The following TBXAS1 variants were observed in gnomAD, a reference collection of about 807,000 sequenced individuals.
The protein encoded by TBXAS1 is thromboxane-A synthase.
TBXAS1 carries 48 observed loss-of-function variants against 60.7 expected under a neutral mutation model. The observed-to-expected ratio is 0.79, with a 90% confidence interval of 0.63 to 1.01. The LOEUF is 1.01. Ranked by LOEUF, TBXAS1 falls within the 50% of genes least tolerant of loss-of-function variation. The pLI is 0.00. For synonymous variants in TBXAS1, 287 were observed against 269.7 expected (o/e 1.06, Z -0.63); for missense variants, 685 against 686.3 (o/e 1.00, Z 0.02).
chr7:139,838,310 T>A (rs12666200), intron 1 of TBXAS1, among the ~76,000 whole-genome samples: 1 of 152,232 alleles, frequency 6.6e-6, no homozygotes, highest in African/African-American at 2.4e-5. Context: ...GCATTGCTTT[T>A]ATCCCATCTC....
intron 9 of TBXAS1, among the ~76,000 whole-genome samples, chr7:139,995,413 C>T (rs940349412): frequency 3.9e-5 from 6 of 152,094 alleles, no homozygotes; most frequent in African/African-American, 7.2e-5. Context: ...GATGGCTCTC[C>T]GCCTTCCCGT....
At chr7:139,823,089 C>T (rs1207387590) in intron 4 of TBXAS1, among the ~76,000 whole-genome samples, 2 of 151,736 alleles carry the variant, frequency 1.3e-5, no homozygotes, top group African/African-American at 4.8e-5. Context: ...ACAAGCACAT[C>T]TATCCTACTC....
intron 9 of TBXAS1, among the ~76,000 whole-genome samples, chr7:139,980,578 G>A (rs992126675): frequency 1.3e-5 from 2 of 151,960 alleles, no homozygotes; most frequent in South Asian, 4.1e-4. Context: ...AAAGTTAGGA[G>A]TCGGCAACCT....
intron 9 of TBXAS1, among the ~76,000 whole-genome samples, chr7:140,005,069 G>A (rs1813963469): frequency 6.6e-6 from 1 of 152,250 alleles, no homozygotes; most frequent in African/African-American, 2.4e-5. Flanking sequence ...GCAGCTGAGA[G>A]CTGGTCGTGG....
chr7:139,818,382 G>A (rs2116430812), intron 4 of TBXAS1, among the ~76,000 whole-genome samples: 1 of 152,254 alleles, frequency 6.6e-6, no homozygotes, highest in African/African-American at 2.4e-5. Flanking sequence ...GTAAAGACAG[G>A]GACTTGGCTA....
chr7:139,813,772 C>A (rs1359372295), intron 4 of TBXAS1, among the ~76,000 whole-genome samples: 3 of 152,184 alleles, frequency 2.0e-5, no homozygotes, highest in African/African-American at 7.2e-5. Context: ...GGATGACAGG[C>A]ATACAATGTG....
At chr7:139,829,611 A>G in intron 1 of TBXAS1, 132 bp downstream of exon 1, 1 of 822,714 alleles carries the variant, frequency 1.2e-6, no homozygotes, top group Non-Finnish European at 2.0e-6. Flanking sequence ...GTATTAACAC[A>G]GCTTCAGAAT....
At chr7:139,878,271 G>A (rs75074143) in intron 3 of TBXAS1, among the ~76,000 whole-genome samples, 6,877 of 151,952 alleles carry the variant, frequency 0.045, 488 homozygotes, top group African/African-American at 0.16. Context: ...GAGGTGGAGC[G>A]AATTGGTTTC....
At chr7:139,891,577 A>G (rs1803625062) in intron 3 of TBXAS1, among the ~76,000 whole-genome samples, 1 of 152,212 alleles carries the variant, frequency 6.6e-6, no homozygotes, top group African/African-American at 2.4e-5. Context: ...GTCCTGCCTT[A>G]GGACGTTTGC....
Position 140,017,723 on chromosome 7 carries a change from G to T in TBXAS1, c.1417G>T (p.Gly473Trp), listed in dbSNP as rs149988492. ...QHRPFTYLPF[G>W]AGPRSCLGVR... ...CCGGCCCTTCACGTACCTGCCCTTC[G>T]GGGCCGGCCCACGGAGCTGCCTCGG... The change falls in exon 12 of 13, where the codon GGG (glycine) becomes TGG (tryptophan). Residue 473 changes from glycine to tryptophan, a missense_variant. Transcript: ENST00000448866. 1.0e-4 allele frequency: 168 copies of T among 1,613,828 alleles called. No individual in the cohort carries two copies. Among genetic ancestry groups the T allele is most frequent in the Middle Eastern group, 6.6e-4 (4 of 6,056 alleles).
intron 4 of TBXAS1, among the ~76,000 whole-genome samples, chr7:139,930,109 G>A (rs1027570582): frequency 1.3e-5 from 2 of 152,056 alleles, no homozygotes; most frequent in African/African-American, 4.8e-5. Context: ...CGCACATGAT[G>A]CCTTTGCTGT....
chr7:139,856,165 A>G (rs892736319), intron 1 of TBXAS1, among the ~76,000 whole-genome samples: 10 of 152,208 alleles, frequency 6.6e-5, no homozygotes, highest in African/African-American at 2.4e-4. Flanking sequence ...GGCCCAGTCT[A>G]CTAATTGGCA....
chr7:139,961,665 C>G (rs552156238), intron 8 of TBXAS1, among the ~76,000 whole-genome samples: 10 of 152,236 alleles, frequency 6.6e-5, no homozygotes, highest in Admixed American at 3.3e-4. Context: ...GATAGAATGG[C>G]CTCTGCCTTG....
intron 5 of TBXAS1, among the ~76,000 whole-genome samples, chr7:139,937,648 G>A (rs1204140790): frequency 2.0e-5 from 3 of 152,124 alleles, no homozygotes; most frequent in East Asian, 1.9e-4. Context: ...ACATTCCTGC[G>A]AGATAAATAC....
intron 11 of TBXAS1, 118 bp downstream of exon 11, chr7:140,015,978 A>C: frequency 1.4e-6 from 2 of 1,387,920 alleles, no homozygotes; most frequent in East Asian, 4.6e-5. Context: ...CAAATAGTCA[A>C]AAGTTATGGC....
intron 9 of TBXAS1, among the ~76,000 whole-genome samples, chr7:139,977,871 C>G (rs1264990654): frequency 6.6e-6 from 1 of 152,150 alleles, no homozygotes; most frequent in East Asian, 1.9e-4. Flanking sequence ...CAAATCTGAC[C>G]TAGCTCTATA....
At chr7:139,948,928 T>C (rs187942054) in intron 5 of TBXAS1, among the ~76,000 whole-genome samples, 80 of 152,384 alleles carry the variant, frequency 5.2e-4, no homozygotes, top group Non-Finnish European at 7.1e-4. Flanking sequence ...TGCTCGGCTG[T>C]CTTATAATAT....
intron 9 of TBXAS1, among the ~76,000 whole-genome samples, chr7:139,976,810 G>A (rs1018624795): frequency 3.3e-5 from 5 of 152,130 alleles, no homozygotes; most frequent in Admixed American, 6.6e-5. Context: ...ATGCAAATGT[G>A]CATAGTGACA....
chr7:139,861,739 T>G (rs942498263), intron 1 of TBXAS1, among the ~76,000 whole-genome samples: 3 of 152,240 alleles, frequency 2.0e-5, no homozygotes, highest in African/African-American at 4.8e-5. Context: ...AAAATATATT[T>G]GATGTGTTTT....
Sources: gnomAD v4.1 joint callset for allele counts (sites outside exome capture counted in the v4.1 genomes callset) on GRCh38, gnomAD v4.1.1 for gene constraint, MANE v1.5 for transcripts, NCBI Gene and HGNC (gene_info 2026-07-23, HGNC 2026-07-21) for gene names.